The following ASTN2 variants were observed in gnomAD, a reference collection of about 807,000 sequenced individuals.
ASTN2 encodes the protein astrotactin-2.
Under a neutral mutation model 139.8 loss-of-function variants are expected in ASTN2, and 54 were observed. The ratio of observed to expected loss-of-function variants is 0.39; its 90% CI spans 0.31 to 0.48. ASTN2 has a LOEUF of 0.48. Ranked by LOEUF, ASTN2 falls within the 20% of genes least tolerant of loss-of-function variation. The pLI is 0.95. For synonymous variants in ASTN2, 756 were observed against 719.5 expected, an observed-to-expected ratio of 1.05 and a Z score of -0.81; for missense variants, 1,565 against 1,725.1, an observed-to-expected ratio of 0.91 and a Z score of 1.64.
rs372044621 is a variant in ASTN2, at chr9:116,699,404, T to C, written c.2806+26367A>G. The C allele has an allele frequency of 4.8e-5, 78 of 1,614,056 alleles. No homozygotes were observed. The highest frequency in any genetic ancestry group is 6.4e-5 in the Non-Finnish European group (75 of 1,180,038). On this transcript the variant is annotated intron_variant, in intron 16 of 22. Coordinates refer to ENST00000313400, the MANE Select transcript of ASTN2 (RefSeq NM_001365068.1). The surrounding 1 kb of genome is among the most constrained non-coding windows in gnomAD (Gnocchi z 4.2). ...TGGAGGGTGGCTTTTCCATTGGCTC[T>C]GTAGGCCCTGATGGGCAGCTGGGTC...
In ASTN2 at chr9:116,772,241, C is replaced by T. The variant is rs538840029; in HGVS notation, c.2396+33391G>A. On this transcript the variant is annotated intron_variant, in intron 13 of 22. Coordinates refer to ENST00000313400, the MANE Select transcript of ASTN2 (RefSeq NM_001365068.1). ...TAATCCCCACATGTCACGGGAGGGACGTGGTGGGAGGTAATTGAATTATGG... is the reference window on the plus strand; with the variant it reads ...TAATCCCCACATGTCACGGGAGGGATGTGGTGGGAGGTAATTGAATTATGG... Among the ~76,000 whole-genome samples the T allele has an allele frequency of 5.7e-4, 87 of 152,228 alleles. No homozygotes were observed. The South Asian group carries it at 8.7e-3, about 15-fold the overall frequency.
At chr9:116,860,362 TG>T (rs1564309747) in intron 11 of ASTN2, among the ~76,000 whole-genome samples, 3 of 152,252 alleles carry the variant, frequency 2.0e-5, no homozygotes, top group Non-Finnish European at 1.5e-5. Flanking sequence ...ATCAGTAATG[TG>T]GTCTCCTTAT....
chr9:116,952,623 C>G (rs1048946048), intron 10 of ASTN2, among the ~76,000 whole-genome samples: 5 of 152,146 alleles, frequency 3.3e-5, no homozygotes, highest in African/African-American at 1.2e-4. Flanking sequence ...TAATGAATTG[C>G]CGTCTTTGCA....
intron 20 of ASTN2, among the ~76,000 whole-genome samples, chr9:116,450,071 T>G (rs1161583287): frequency 6.6e-6 from 1 of 152,188 alleles, no homozygotes; most frequent in African/African-American, 2.4e-5. Flanking sequence ...TCATTTGTTG[T>G]GTCATCAATA....
At chr9:117,241,958 T>A (rs1366739661) in intron 2 of ASTN2, among the ~76,000 whole-genome samples, 3 of 139,062 alleles carry the variant, frequency 2.2e-5, no homozygotes, top group Admixed American at 7.5e-5. Flanking sequence ...CACACACCCC[T>A]ATATTTTCAT....
intron 10 of ASTN2, among the ~76,000 whole-genome samples, chr9:116,911,409 C>T (rs921222172): frequency 2.0e-5 from 3 of 152,100 alleles, no homozygotes; most frequent in African/African-American, 7.2e-5. Context: ...AAAACTGTCT[C>T]TGGCCAGAAA....
At chr9:117,251,054 C>T (rs1460960830) in intron 2 of ASTN2, among the ~76,000 whole-genome samples, 2 of 152,080 alleles carry the variant, frequency 1.3e-5, no homozygotes, top group Non-Finnish European at 2.9e-5. Context: ...GGAGTGGGAG[C>T]GCAAATGGTT....
chr9:117,228,670 A>T (rs1832791369), intron 2 of ASTN2, among the ~76,000 whole-genome samples: 1 of 152,024 alleles, frequency 6.6e-6, no homozygotes, highest in Non-Finnish European at 1.5e-5. Flanking sequence ...AGCTGGTATG[A>T]TTCATTCTTT....
intron 2 of ASTN2, among the ~76,000 whole-genome samples, chr9:117,278,904 C>T (rs1457670444): frequency 6.6e-6 from 1 of 152,156 alleles, no homozygotes; most frequent in African/African-American, 2.4e-5. Flanking sequence ...CACAGGCACA[C>T]TGCCCTGAGA....
chr9:117,391,664 T>A (rs1830545279), intron 1 of ASTN2, among the ~76,000 whole-genome samples: 1 of 152,114 alleles, frequency 6.6e-6, no homozygotes, highest in South Asian at 2.1e-4. Context: ...TCTCATCTTG[T>A]AAGCACATTT....
At chr9:116,664,360 G>T (rs1046918281) in intron 16 of ASTN2, among the ~76,000 whole-genome samples, 3 of 150,942 alleles carry the variant, frequency 2.0e-5, no homozygotes, top group African/African-American at 7.3e-5. Context: ...GGATTACAGT[G>T]TGAGCCACCA....
chr9:117,117,854 T>C (rs980615542), intron 4 of ASTN2, among the ~76,000 whole-genome samples: 2 of 152,156 alleles, frequency 1.3e-5, no homozygotes, highest in Non-Finnish European at 2.9e-5. Flanking sequence ...TCTTCAGACA[T>C]GGCACTCATT....
intron 3 of ASTN2, among the ~76,000 whole-genome samples, chr9:117,144,670 T>G (rs908483499): frequency 3.9e-4 from 8 of 20,306 alleles, no homozygotes; most frequent in East Asian, 1.7e-3. Flanking sequence ...GTTTTTTTTT[T>G]TTTTTTTTTT....
At position 116,957,190 on chromosome 9, in the gene ASTN2, T is replaced by G. The variant is rs114332182; in HGVS notation, c.1889+18018A>C. On this transcript the variant is annotated intron_variant, in intron 10 of 22. Coordinates refer to ENST00000313400, the MANE Select transcript of ASTN2 (RefSeq NM_001365068.1). ...TTCTTCTATTTTTTCCCTGCTACTT[T>G]TTCTCAGTCTCTCTTTCTCTCTACG... Among the ~76,000 whole-genome samples, 622 of 152,300 alleles carry G rather than the reference T, an allele frequency of 4.1e-3. 3 individuals carry two copies. Among genetic ancestry groups the G allele is most frequent in the African/African-American group, 0.014 (600 of 41,558 alleles).
chr9:116,664,572 T>C (rs1233451838), intron 16 of ASTN2, among the ~76,000 whole-genome samples: 1 of 151,610 alleles, frequency 6.6e-6, no homozygotes, highest in Non-Finnish European at 1.5e-5. Context: ...TTCTGCAGTA[T>C]ATCTTCATTT....
chr9:116,525,161 C>T (rs147584345), intron 19 of ASTN2, among the ~76,000 whole-genome samples: 4 of 152,342 alleles, frequency 2.6e-5, no homozygotes, highest in Non-Finnish European at 4.4e-5. Context: ...GCAAAGGTCA[C>T]TCTTGCTATG....
intron 7 of ASTN2, among the ~76,000 whole-genome samples, chr9:117,004,500 G>A (rs1224203038): frequency 1.3e-5 from 2 of 152,118 alleles, no homozygotes; most frequent in African/African-American, 4.8e-5. Flanking sequence ...CGGTTATAAA[G>A]CCAAATCATG....
intron 10 of ASTN2, among the ~76,000 whole-genome samples, chr9:116,898,003 G>A (rs954810839): frequency 5.3e-5 from 8 of 152,094 alleles, no homozygotes; most frequent in Non-Finnish European, 8.8e-5. Flanking sequence ...TAGTGATATT[G>A]TTCTAATTTA....
intron 10 of ASTN2, among the ~76,000 whole-genome samples, chr9:116,866,786 G>A (rs189334119): frequency 2.6e-5 from 4 of 151,634 alleles, no homozygotes; most frequent in Non-Finnish European, 4.4e-5. Flanking sequence ...CCAGTTACTC[G>A]GGAGGCTGAG....
Sources: allele counts gnomAD v4.1 joint callset (sites outside exome capture counted in the v4.1 genomes callset), GRCh38; gene constraint gnomAD v4.1.1; non-coding constraint Gnocchi (gnomAD v3.1); transcripts MANE v1.5; gene names NCBI Gene and HGNC (gene_info 2026-07-23, HGNC 2026-07-21).